The following PDE12 variants were observed in gnomAD, a reference collection of about 807,000 sequenced individuals.
The protein encoded by PDE12 is phosphodiesterase 12.
In PDE12, 26 loss-of-function variants were observed where a neutral mutation model predicts 45.4. The observed-to-expected ratio is 0.57, with a 90% CI of 0.42 to 0.79. PDE12 has a LOEUF of 0.79. Among genes scored for constraint, PDE12 ranks in the 30% least tolerant of loss-of-function variants. The pLI is 0.00. For synonymous variants in PDE12, 283 were observed against 323.9 expected (o/e 0.87, Z 1.36); for missense variants, 668 against 790.0 (o/e 0.85, Z 1.85).
chr3:57,578,814 G>A, the PDE12 span, among the ~76,000 whole-genome samples: 4 of 151,878 alleles, frequency 2.6e-5, no homozygotes, highest in Admixed American at 2.0e-4. Flanking sequence ...ATAAATGGAA[G>A]GAATTAGGAA....
the PDE12 span, among the ~76,000 whole-genome samples, chr3:57,635,097 G>A: frequency 8.5e-5 from 13 of 152,078 alleles, no homozygotes; most frequent in Non-Finnish European, 1.9e-4. Flanking sequence ...ACATAAAACT[G>A]AAAATTTAGA....
chr3:57,614,496 G>A, the PDE12 span, among the ~76,000 whole-genome samples: 1 of 150,934 alleles, frequency 6.6e-6, no homozygotes, highest in Admixed American at 6.6e-5. Context: ...GACACCTGCC[G>A]GACACGGTGG....
At chr3:57,624,716 A>C in the PDE12 span, among the ~76,000 whole-genome samples, 1 of 151,568 alleles carries the variant, frequency 6.6e-6, no homozygotes. Context: ...GTGAGCAGAG[A>C]TCACACCACT....
the PDE12 span, among the ~76,000 whole-genome samples, chr3:57,621,337 A>G: frequency 1.3e-5 from 2 of 152,252 alleles, no homozygotes; most frequent in East Asian, 3.8e-4. Flanking sequence ...ACTAATTCCA[A>G]ATAGTTATAA....
At chr3:57,606,590 C>A in the PDE12 span, among the ~76,000 whole-genome samples, 9 of 152,064 alleles carry the variant, frequency 5.9e-5, no homozygotes, top group African/African-American at 1.7e-4. Flanking sequence ...TAATTTAAAA[C>A]TTTTTTTAAA....
At chr3:57,649,620 A>G in the PDE12 span, among the ~76,000 whole-genome samples, 2 of 144,370 alleles carry the variant, frequency 1.4e-5, no homozygotes, top group Non-Finnish European at 3.0e-5. Flanking sequence ...ATGCCCATCA[A>G]TCAATGAGTG....
At chr3:57,641,415 T>C in the PDE12 span, among the ~76,000 whole-genome samples, 1 of 147,530 alleles carries the variant, frequency 6.8e-6, no homozygotes, top group African/African-American at 2.5e-5. Flanking sequence ...ATAAGTGTTA[T>C]ATTATTATTC....
the PDE12 span, among the ~76,000 whole-genome samples, chr3:57,635,169 C>T: frequency 6.6e-6 from 1 of 151,746 alleles, no homozygotes; most frequent in Non-Finnish European, 1.5e-5. Context: ...TCTTAAATGA[C>T]TATGCAGATG....
the PDE12 span, among the ~76,000 whole-genome samples, chr3:57,635,372 T>C: frequency 3.3e-5 from 5 of 152,112 alleles, no homozygotes; most frequent in Non-Finnish European, 5.9e-5. Flanking sequence ...GCTTGTGTAG[T>C]ATATGCAGGC....
chr3:57,604,991 C>T, the PDE12 span, among the ~76,000 whole-genome samples: 1 of 152,042 alleles, frequency 6.6e-6, no homozygotes, highest in Non-Finnish European at 1.5e-5. Context: ...TAACAAAAAC[C>T]AGATTTACCC....
the PDE12 span, chr3:57,584,283 G>T: frequency 8.8e-7 from 1 of 1,139,162 alleles, no homozygotes; most frequent in Non-Finnish European, 1.3e-6. Flanking sequence ...GTACTTCTAA[G>T]ATAATCAACA....
chr3:57,629,187 C>T, the PDE12 span, among the ~76,000 whole-genome samples: 251 of 152,294 alleles, frequency 1.6e-3, no homozygotes, highest in African/African-American at 5.7e-3. Context: ...CAGTAACCCC[C>T]ACTTCCACTA....
the PDE12 span, chr3:57,628,277 A>T: frequency 4.8e-5 from 78 of 1,614,052 alleles, no homozygotes; most frequent in Non-Finnish European, 5.9e-5. Flanking sequence ...AGATAATGGC[A>T]TCTATGTGTG....
the PDE12 span, among the ~76,000 whole-genome samples, chr3:57,621,083 A>C: frequency 6.6e-6 from 1 of 152,216 alleles, no homozygotes; most frequent in Middle Eastern, 3.2e-3. Flanking sequence ...AAGCTACAGT[A>C]ATCAAGCAAT....
At chr3:57,597,979 T>C in the PDE12 span, 8 of 152,222 alleles carry the variant, frequency 5.3e-5, no homozygotes, top group Non-Finnish European at 1.2e-4. Flanking sequence ...CAAGTGATTC[T>C]GAAGATCTCT....
In PDE12 at chr3:57,557,476, A is replaced by T; in HGVS notation, c.1097A>T (p.Glu366Val). The change falls in exon 1 of 3, where the codon GAG (glutamate) becomes GTG (valine). Residue 366 changes from glutamate to valine, a missense_variant. Glu to Val is a moderately radical substitution (Grantham distance 121). Transcript: ENST00000311180. ...VFSDSLVPALEAFGLEGVFRI... is the reference protein window; with the variant it reads ...VFSDSLVPALVAFGLEGVFRI... ...TCTGACAGCTTGGTACCCGCCCTAG[A>T]GGCCTTCGGGCTCGAGGGGGTGTTT... is the stretch of plus-strand genomic sequence containing the variant. 6.2e-7 allele frequency: 1 copy of T among 1,613,976 alleles called. No homozygotes were observed. Among genetic ancestry groups the T allele is most frequent in the Non-Finnish European group, 8.5e-7 (1 of 1,180,016 alleles).
At chr3:57,606,851 A>C in the PDE12 span, among the ~76,000 whole-genome samples, 1 of 152,160 alleles carries the variant, frequency 6.6e-6, no homozygotes, top group Admixed American at 6.5e-5. Flanking sequence ...TGAGTGACAC[A>C]GAAGACAGGT....
the PDE12 span, among the ~76,000 whole-genome samples, chr3:57,594,419 G>A: frequency 6.6e-6 from 1 of 152,070 alleles, no homozygotes; most frequent in African/African-American, 2.4e-5. Flanking sequence ...CGAGCAGTAT[G>A]GGCAATATCA....
At position 57,562,769 on chromosome 3, in the gene PDE12, A is replaced by G. The variant is rs2069740595; in HGVS notation, c.*2765A>G. ...GCCGCTACAGCAAATGTGTCTGCCA[A>G]TAATCAAAATTCATGAGCAAACAAT... On this transcript the variant is annotated 3_prime_UTR_variant, in exon 3 of 3. Transcript: ENST00000311180. The G allele has an allele frequency of 6.6e-6, 1 of 152,222 alleles. No homozygotes were observed. Among genetic ancestry groups the G allele is most frequent in the Non-Finnish European group, 1.5e-5 (1 of 68,028 alleles). 9.4% of individuals were successfully genotyped at this position (152,222 alleles called of 1,614,324 possible).
Sources: gnomAD v4.1 joint callset for allele counts (sites outside exome capture counted in the v4.1 genomes callset) on GRCh38, gnomAD v4.1.1 for gene constraint, MANE v1.5 for transcripts, NCBI Gene and HGNC (gene_info 2026-07-23, HGNC 2026-07-21) for gene names.